GCA: variants seen among roughly 807,000 people sequenced by gnomAD.
GCA encodes grancalcin, EF-hand calcium-binding protein.
GCA carries 30 observed loss-of-function variants against 32.6 expected under a neutral mutation model. The ratio of observed to expected loss-of-function variants is 0.92; its 90% CI spans 0.69 to 1.25. GCA has a LOEUF of 1.25. Ranked by LOEUF, GCA falls within the 50% of genes most tolerant of loss-of-function variation. The pLI is 0.00. For missense variants in GCA, 291 were observed against 266.8 expected, an observed-to-expected ratio of 1.09 and a Z score of -0.63; for synonymous variants, 102 against 84.6, an observed-to-expected ratio of 1.21 and a Z score of -1.13.
chr2:162,350,838 A>T (rs1684956524), intron 2 of GCA, among the ~76,000 whole-genome samples: 1 of 152,156 alleles, frequency 6.6e-6, no homozygotes, highest in Non-Finnish European at 1.5e-5. Context: ...TAAACATTTG[A>T]TAAATGTTTC....
Position 162,360,698 on chromosome 2 carries a change from T to C in GCA, c.*455T>C. On this transcript the variant is annotated 3_prime_UTR_variant, in exon 8 of 8. Coordinates refer to ENST00000437150, the MANE Select transcript of GCA (RefSeq NM_012198.5). ...GGTTGGCTAGAAATGAAAGCCTGGA[T>C]TTTGTGCCATGTTTGTAATATAGTT... 7.4e-7 allele frequency: 1 copy of C among 1,352,254 alleles called. No homozygotes were observed. 83.8% of individuals were successfully genotyped at this position (1,352,254 alleles called of 1,614,324 possible). A position where few individuals can be genotyped will look rare whatever the true frequency, so the allele number is the denominator to read the frequency against.
At chr2:162,344,610 C>G in intron 1 of GCA, 2 of 423,956 alleles carry the variant, frequency 4.7e-6, no homozygotes, top group East Asian at 8.1e-5. Flanking sequence ...CTTCCCTCCC[C>G]CGCCCCCCAC....
intron 1 of GCA, among the ~76,000 whole-genome samples, chr2:162,338,201 G>T (rs1684333335): frequency 6.6e-6 from 1 of 152,098 alleles, no homozygotes; most frequent in South Asian, 2.1e-4. Context: ...TTTATTACCA[G>T]GTTTTATTTC....
At chr2:162,366,444 A>G (rs753472406), downstream of GCA, among the ~76,000 whole-genome samples, 2 of 152,038 alleles carry the variant, frequency 1.3e-5, no homozygotes, top group Middle Eastern at 3.4e-3. Context: ...AATAGTTTAT[A>G]TACATAAGCC....
At chr2:162,333,659 A>G (rs78849177) in intron 1 of GCA, among the ~76,000 whole-genome samples, 15 of 152,316 alleles carry the variant, frequency 9.8e-5, no homozygotes, top group Middle Eastern at 3.4e-3. Flanking sequence ...TTTTGATACT[A>G]CAAATAATCT....
intron 6 of GCA, 101 bp from the exon 7 acceptor site, chr2:162,359,393 T>C (rs181203893): frequency 4.6e-5 from 28 of 613,698 alleles, no homozygotes; most frequent in Admixed American, 3.2e-5. Flanking sequence ...ACTTAATATT[T>C]AATTGAATAT....
chr2:162,322,263 A>G (rs1683699009), intron 1 of GCA, among the ~76,000 whole-genome samples: 1 of 151,564 alleles, frequency 6.6e-6, no homozygotes, highest in Admixed American at 6.6e-5. Flanking sequence ...AAGTTTTGGA[A>G]CATTCATTTT....
rs1215415078 is a variant in GCA, at chr2:162,362,590, A to T, written c.*2347A>T. ...TTATTTATACAGTAAACATGTTTCC[A>T]TGTCATTTTGAGAATTTTTTTAATA... is the stretch of plus-strand genomic sequence containing the variant. On this transcript the variant is annotated 3_prime_UTR_variant, in exon 8 of 8. Coordinates refer to ENST00000437150, the MANE Select transcript of GCA (RefSeq NM_012198.5). 1 of 944,622 alleles carries T rather than the reference A, an allele frequency of 1.1e-6. No individual in the cohort carries two copies. Among genetic ancestry groups the T allele is most frequent in the Admixed American group, 6.2e-5 (1 of 16,036 alleles). The allele number at this position is 944,622 out of a possible 1,614,324, so 58.5% of individuals were successfully genotyped here.
chr2:162,373,496 C>T, downstream of GCA: 1 of 1,556,564 alleles, frequency 6.4e-7, no homozygotes, highest in Non-Finnish European at 8.7e-7. Context: ...AAACTTCGGT[C>T]AGTTTTGATG....
rs1223158704 is a variant in GCA, at chr2:162,356,453, C to G, written c.278C>G (p.Thr93Ser). The G allele has an allele frequency of 6.4e-7, 1 of 1,569,842 alleles. No individual in the cohort carries two copies. The highest frequency in any genetic ancestry group is 8.8e-7 in the Non-Finnish European group (1 of 1,140,586). ...NGTYSPFSLE[T>S]CRIMIAMLDR... ...TGTTTTACAGCCTTCAGTTTGGAAA[C>G]CTGCAGAATTATGATTGCCATGTTG... Residue 93 changes from threonine (T) to serine (S), a missense_variant, in exon 4 of 8, where the codon ACC (threonine) becomes AGC (serine). Coordinates refer to ENST00000437150, the MANE Select transcript of GCA (RefSeq NM_012198.5).
At chr2:162,359,621 G>T (rs2105352171) in intron 7 of GCA, 69 bp downstream of exon 7, 1 of 713,312 alleles carries the variant, frequency 1.4e-6, no homozygotes, top group South Asian at 2.0e-5. Flanking sequence ...AAATTTAAGT[G>T]ATCCCAAGTA....
At chr2:162,348,159 G>C (rs971078498) in intron 2 of GCA, among the ~76,000 whole-genome samples, 19 of 152,158 alleles carry the variant, frequency 1.2e-4, no homozygotes, top group African/African-American at 4.6e-4. Context: ...ACATTTAGGA[G>C]CATCATACTC....
intron 1 of GCA, among the ~76,000 whole-genome samples, chr2:162,332,813 G>A (rs773237994): frequency 6.6e-6 from 1 of 151,720 alleles, no homozygotes; most frequent in Non-Finnish European, 1.5e-5. Context: ...TGGCCTAGGT[G>A]ACTAATATTT....
chr2:162,322,710 A>G (rs1683724661), intron 1 of GCA, among the ~76,000 whole-genome samples: 1 of 150,988 alleles, frequency 6.6e-6, no homozygotes, highest in Middle Eastern at 3.4e-3. Flanking sequence ...TTCCAATTTC[A>G]TCCATGTCCC....
chr2:162,371,380 A>C, exon 5 of GCA: 3 of 1,287,718 alleles, frequency 2.3e-6, no homozygotes, highest in Non-Finnish European at 3.0e-6. Context: ...AAAGTGACTA[A>C]GTTCCCTTTA....
intron 5 of GCA, among the ~76,000 whole-genome samples, chr2:162,357,735 C>T (rs538412064): frequency 6.6e-5 from 10 of 151,590 alleles, no homozygotes; most frequent in African/African-American, 2.2e-4. Flanking sequence ...ATCCTTAATA[C>T]CTAATGGATT....
chr2:162,328,878 G>A (rs1316145686), intron 1 of GCA, among the ~76,000 whole-genome samples: 2 of 152,152 alleles, frequency 1.3e-5, no homozygotes, highest in Admixed American at 6.5e-5. Context: ...GAAGGGAATT[G>A]AATGGGAAGG....
intron 3 of GCA, among the ~76,000 whole-genome samples, chr2:162,355,759 G>A (rs183098023): frequency 7.1e-4 from 106 of 150,158 alleles, no homozygotes; most frequent in South Asian, 1.0e-3. Context: ...CCCAACCCCC[G>A]AGAAAAACCA....
chr2:162,373,503 G>T, downstream of GCA: 1 of 1,571,536 alleles, frequency 6.4e-7, no homozygotes, highest in South Asian at 1.2e-5. Flanking sequence ...GGTCAGTTTT[G>T]ATGGATGCTT....
Sources: gnomAD v4.1 joint callset for allele counts (sites outside exome capture counted in the v4.1 genomes callset) on GRCh38, gnomAD v4.1.1 for gene constraint, MANE v1.5 for transcripts, NCBI Gene and HGNC (gene_info 2026-07-23, HGNC 2026-07-21) for gene names.